The following LEKR1 variants were observed in gnomAD, a reference collection of about 807,000 sequenced individuals.
LEKR1 encodes leucine, glutamate and lysine rich 1, also known as protein LEKR1.
Under a neutral mutation model 72.4 loss-of-function variants are expected in LEKR1, and 59 were observed. That is an observed-to-expected ratio of 0.82 (90% CI 0.66 to 1.01). The LOEUF (loss-of-function observed/expected upper bound fraction) is 1.01. Ranked by LOEUF, LEKR1 falls within the 50% of genes least tolerant of loss-of-function variation. The pLI, the probability that LEKR1 is intolerant of heterozygous loss-of-function variation, is 0.00. For synonymous variants in LEKR1, 257 were observed against 263.2 expected, an observed-to-expected ratio of 0.98 and a Z score of 0.23; for missense variants, 728 against 759.2, an observed-to-expected ratio of 0.96 and a Z score of 0.48.
At chr3:156,937,155 A>T (rs747003635) in intron 5 of LEKR1, among the ~76,000 whole-genome samples, 6 of 149,148 alleles carry the variant, frequency 4.0e-5, no homozygotes, top group Non-Finnish European at 7.4e-5. Flanking sequence ...CCTGTCCTAA[A>T]AAAAACAAGA....
intron 5 of LEKR1, among the ~76,000 whole-genome samples, chr3:156,930,245 G>GA (rs1218713720): frequency 4.0e-5 from 6 of 151,402 alleles, no homozygotes; most frequent in Admixed American, 2.0e-4. Flanking sequence ...GATAAACATT[G>GA]AAAAAAAATG....
At chr3:156,869,163 A>C (rs1446922855) in intron 3 of LEKR1, among the ~76,000 whole-genome samples, 2 of 152,076 alleles carry the variant, frequency 1.3e-5, no homozygotes, top group East Asian at 3.8e-4. Flanking sequence ...TAAACATTCA[A>C]GTACAAGTAT....
intron 6 of LEKR1, among the ~76,000 whole-genome samples, chr3:156,974,037 C>T (rs776603259): frequency 1.3e-5 from 2 of 152,056 alleles, no homozygotes; most frequent in African/African-American, 2.4e-5. Flanking sequence ...ATACTGCAGA[C>T]AAATTGTCCT....
chr3:157,002,469 C>T (rs1732089804), intron 9 of LEKR1, among the ~76,000 whole-genome samples: 3 of 152,180 alleles, frequency 2.0e-5, no homozygotes, highest in African/African-American at 7.2e-5. Flanking sequence ...TCTAGATTAT[C>T]TTTTTCACAC....
intron 6 of LEKR1, among the ~76,000 whole-genome samples, chr3:156,944,160 A>G (rs916549951): frequency 2.6e-5 from 4 of 151,702 alleles, no homozygotes; most frequent in African/African-American, 4.8e-5. Flanking sequence ...ATTCCTAGAT[A>G]GTACATACAG....
chr3:156,960,898 G>A (rs1242736381), intron 6 of LEKR1, among the ~76,000 whole-genome samples: 1 of 151,972 alleles, frequency 6.6e-6, no homozygotes, highest in Non-Finnish European at 1.5e-5. Context: ...TTTATGTTTA[G>A]CTCACACTAA....
chr3:156,965,229 A>G (rs1560111746), intron 6 of LEKR1, among the ~76,000 whole-genome samples: 1 of 152,170 alleles, frequency 6.6e-6, no homozygotes, highest in Non-Finnish European at 1.5e-5. Context: ...ACATATACAC[A>G]CACACAAACT....
At chr3:156,885,780 C>T (rs1270302983) in intron 3 of LEKR1, among the ~76,000 whole-genome samples, 2 of 152,214 alleles carry the variant, frequency 1.3e-5, no homozygotes, top group African/African-American at 4.8e-5. Flanking sequence ...TGGATACACT[C>T]AGGACCTCTG....
intron 6 of LEKR1, among the ~76,000 whole-genome samples, chr3:156,961,459 T>G (rs954789469): frequency 2.6e-5 from 4 of 152,184 alleles, no homozygotes; most frequent in Admixed American, 2.0e-4. Flanking sequence ...CCAACAATCC[T>G]TAACCTACTT....
intron 4 of LEKR1, among the ~76,000 whole-genome samples, chr3:156,923,364 A>T (rs985020961): frequency 1.3e-5 from 2 of 152,196 alleles, no homozygotes; most frequent in Non-Finnish European, 2.9e-5. Context: ...CTCACCAGGC[A>T]ACTAACATTT....
chr3:156,838,547 C>T (rs1576635893), intron 2 of LEKR1, among the ~76,000 whole-genome samples: 1 of 152,250 alleles, frequency 6.6e-6, no homozygotes, highest in East Asian at 1.9e-4. Flanking sequence ...AACCAAGAAC[C>T]CCAGTGGAGC....
intron 6 of LEKR1, among the ~76,000 whole-genome samples, chr3:156,954,214 G>T (rs1335691991): frequency 6.6e-6 from 1 of 151,672 alleles, no homozygotes; most frequent in Non-Finnish European, 1.5e-5. Context: ...GGGGTTGTTT[G>T]TTTTTTCCTT....
At chr3:156,835,854 T>C in intron 2 of LEKR1, among the ~76,000 whole-genome samples, 1 of 138,358 alleles carries the variant, frequency 7.2e-6, no homozygotes, top group Non-Finnish European at 1.5e-5. Context: ...CAAGTCTTGC[T>C]CTGTCTCACT....
At chr3:156,897,035 T>A (rs1417703658) in intron 3 of LEKR1, among the ~76,000 whole-genome samples, 1 of 152,094 alleles carries the variant, frequency 6.6e-6, no homozygotes, top group Non-Finnish European at 1.5e-5. Flanking sequence ...CAATAGACAC[T>A]GGGGCCTACT....
chr3:156,876,568 T>C (rs998582700), intron 3 of LEKR1, among the ~76,000 whole-genome samples: 10 of 152,242 alleles, frequency 6.6e-5, no homozygotes, highest in African/African-American at 2.4e-4. Flanking sequence ...CTAAGTATTA[T>C]ATTCTTTTGT....
intron 5 of LEKR1, among the ~76,000 whole-genome samples, chr3:156,936,586 A>G (rs1560093785): frequency 1.3e-5 from 2 of 152,040 alleles, no homozygotes; most frequent in Admixed American, 6.6e-5. Context: ...AGAATGGTTC[A>G]TTGTAATGGG....
At chr3:157,034,288 A>C (rs1231784658) in intron 12 of LEKR1, among the ~76,000 whole-genome samples, 7 of 152,222 alleles carry the variant, frequency 4.6e-5, no homozygotes, top group Admixed American at 2.0e-4. Flanking sequence ...ATCTGGGCTA[A>C]GTAAATTCAA....
intron 6 of LEKR1, among the ~76,000 whole-genome samples, chr3:156,970,862 A>G (rs1379746593): frequency 6.6e-6 from 1 of 152,128 alleles, no homozygotes; most frequent in African/African-American, 2.4e-5. Flanking sequence ...ATGGAAGAAC[A>G]TTCCATGCTC....
At chr3:157,015,547 C>T (rs977611669) in intron 10 of LEKR1, among the ~76,000 whole-genome samples, 3 of 152,032 alleles carry the variant, frequency 2.0e-5, no homozygotes, top group Non-Finnish European at 2.9e-5. Flanking sequence ...AAAAGGAAGG[C>T]CTAAAATAAT....
Sources: allele counts gnomAD v4.1 joint callset (sites outside exome capture counted in the v4.1 genomes callset), GRCh38; gene constraint gnomAD v4.1.1; transcripts MANE v1.5; gene names NCBI Gene and HGNC (gene_info 2026-07-23, HGNC 2026-07-21).